The following STK33 variants were observed in gnomAD, a reference collection of about 807,000 sequenced individuals.
The protein encoded by STK33 is serine/threonine-protein kinase 33.
Under a neutral mutation model 58.0 loss-of-function variants are expected in STK33, and 52 were observed. The ratio of observed to expected loss-of-function variants is 0.90; its 90% CI spans 0.72 to 1.13. The LOEUF (loss-of-function observed/expected upper bound fraction) is 1.13. Among genes scored for constraint, STK33 ranks in the 50% most tolerant of loss-of-function variants. STK33 has a pLI of 0.00. For synonymous variants in STK33, 215 were observed against 200.1 expected (o/e 1.07, Z -0.63); for missense variants, 630 against 604.2 (o/e 1.04, Z -0.45).
At chr11:8,410,071 A>G (rs893845951) in intron 15 of STK33, among the ~76,000 whole-genome samples, 1 of 152,190 alleles carries the variant, frequency 6.6e-6, no homozygotes, top group Non-Finnish European at 1.5e-5. Flanking sequence ...GTGTGCCACA[A>G]TTATGCAAGT....
rs1350211180 is a variant in STK33 at position 8,413,709 on chromosome 11, A to G, written c.1147-17T>C. 1.2e-6 allele frequency: 2 copies of G among 1,608,738 alleles called. No homozygotes were observed. Among genetic ancestry groups the G allele is most frequent in the East Asian group, 2.2e-5 (1 of 44,842 alleles). On this transcript the variant is annotated splice_polypyrimidine_tract_variant and intron_variant, in intron 14 of 15. Coordinates refer to ENST00000687296, the MANE Select transcript of STK33 (RefSeq NM_001352389.2). ...TTTATTGCCCTAATATTAACAATCA[A>G]TTTTTGGTGTTATAAACAACTTAGA...
chr11:8,548,631 T>C (rs1413434643), intron 1 of STK33, among the ~76,000 whole-genome samples: 1 of 152,228 alleles, frequency 6.6e-6, no homozygotes, highest in African/African-American at 2.4e-5. Flanking sequence ...ATTTTTCTTC[T>C]ATTCTGTAAA....
intron 1 of STK33, among the ~76,000 whole-genome samples, chr11:8,545,971 AGG>A (rs1302537644): frequency 1.3e-5 from 2 of 152,204 alleles, no homozygotes; most frequent in African/African-American, 4.8e-5. Flanking sequence ...TCTTGTTCCT[AGG>A]CTACAAACCT....
At chr11:8,538,923 C>A (rs1254421488) in intron 1 of STK33, among the ~76,000 whole-genome samples, 3 of 152,118 alleles carry the variant, frequency 2.0e-5, no homozygotes, top group Non-Finnish European at 4.4e-5. Context: ...GGCCAATGAA[C>A]CACTGCTATC....
intron 14 of STK33, among the ~76,000 whole-genome samples, chr11:8,431,964 A>G (rs1475418872): frequency 6.6e-6 from 1 of 151,956 alleles, no homozygotes; most frequent in East Asian, 1.9e-4. Flanking sequence ...GTCATTTATC[A>G]TTTTCTTCCT....
chr11:8,492,645 T>G (rs983272350), intron 1 of STK33, among the ~76,000 whole-genome samples: 2 of 152,186 alleles, frequency 1.3e-5, no homozygotes, highest in African/African-American at 4.8e-5. Context: ...AGAATATACA[T>G]TCTTCTCAGC....
chr11:8,339,641 CCCGTGCACAGCCACAGGGA>C, the STK33 span, among the ~76,000 whole-genome samples: 7 of 152,238 alleles, frequency 4.6e-5, no homozygotes, highest in East Asian at 1.3e-3. Flanking sequence ...CCTGGGCTGA[CCCGTGCACAGCCACAGGGA>C]CCAGCCCAGA....
intron 1 of STK33, among the ~76,000 whole-genome samples, chr11:8,562,464 G>GC (rs1289795247): frequency 1.3e-5 from 2 of 151,960 alleles, no homozygotes; most frequent in Non-Finnish European, 2.9e-5. Flanking sequence ...GATACTCATG[G>GC]CCCCCCACTT....
intron 1 of STK33, among the ~76,000 whole-genome samples, chr11:8,566,848 T>C (rs531255716): frequency 5.6e-4 from 86 of 152,334 alleles, no homozygotes; most frequent in African/African-American, 2.1e-3. Context: ...AATACAGTTA[T>C]AACTGTCGAA....
intron 1 of STK33, among the ~76,000 whole-genome samples, chr11:8,546,977 C>T (rs1955970948): frequency 6.6e-6 from 1 of 152,050 alleles, no homozygotes. Context: ...TTTTAGTTTT[C>T]TGAGGAACCT....
chr11:8,527,670 C>T (rs905632634), intron 1 of STK33, among the ~76,000 whole-genome samples: 3 of 152,012 alleles, frequency 2.0e-5, no homozygotes, highest in Admixed American at 6.6e-5. Flanking sequence ...GGCTCTTAGA[C>T]CAGAGCAAGA....
chr11:8,377,191 A>G, the STK33 span, among the ~76,000 whole-genome samples: 2 of 152,230 alleles, frequency 1.3e-5, no homozygotes, highest in African/African-American at 4.8e-5. Flanking sequence ...ATTAATCGAG[A>G]GTGACCAGTA....
intron 11 of STK33, among the ~76,000 whole-genome samples, chr11:8,452,155 A>C (rs1158596349): frequency 6.6e-6 from 1 of 152,122 alleles, no homozygotes; most frequent in Admixed American, 6.5e-5. Context: ...GTGAGCCCAG[A>C]CTGCGCCACT....
chr11:8,373,550 A>G, the STK33 span, among the ~76,000 whole-genome samples: 1 of 152,146 alleles, frequency 6.6e-6, no homozygotes, highest in Non-Finnish European at 1.5e-5. Context: ...TGACAGCAGA[A>G]AAGTAGAAAA....
chr11:8,563,925 T>C (rs1226582451), intron 1 of STK33, among the ~76,000 whole-genome samples: 1 of 151,936 alleles, frequency 6.6e-6, no homozygotes, highest in Non-Finnish European at 1.5e-5. Flanking sequence ...CCAGTATGGC[T>C]GAACTGTGGG....
chr11:8,465,539 T>G (rs1012711703), intron 6 of STK33: 2 of 152,232 alleles, frequency 1.3e-5, no homozygotes, highest in Admixed American at 6.5e-5. Flanking sequence ...TAAACTCATT[T>G]ACACCTTCAT....
At chr11:8,495,291 T>C (rs1222515455) in intron 1 of STK33, among the ~76,000 whole-genome samples, 1 of 152,050 alleles carries the variant, frequency 6.6e-6, no homozygotes, top group African/African-American at 2.4e-5. Flanking sequence ...GCAAAGGATA[T>C]GAACAGACAC....
At chr11:8,444,625 G>C (rs1169818793) in intron 11 of STK33, among the ~76,000 whole-genome samples, 1 of 151,968 alleles carries the variant, frequency 6.6e-6, no homozygotes, top group Non-Finnish European at 1.5e-5. Context: ...AGGTACACAG[G>C]AGAATATGAA....
chr11:8,532,488 C>T (rs1359729870), intron 1 of STK33, among the ~76,000 whole-genome samples: 1 of 152,248 alleles, frequency 6.6e-6, no homozygotes, highest in African/African-American at 2.4e-5. Context: ...GTCTAAACCA[C>T]TACCTTATTC....
Sources: gnomAD v4.1 joint callset for allele counts (sites outside exome capture counted in the v4.1 genomes callset) on GRCh38, gnomAD v4.1.1 for gene constraint, MANE v1.5 for transcripts, NCBI Gene and HGNC (gene_info 2026-07-23, HGNC 2026-07-21) for gene names.